The following JAK2 variants were observed in gnomAD, a reference collection of about 807,000 sequenced individuals.
The protein encoded by JAK2 is Janus kinase 2.
JAK2 carries 86 observed loss-of-function variants against 139.3 expected under a neutral mutation model. The observed-to-expected ratio is 0.62, with a 90% CI of 0.52 to 0.74. The LOEUF (loss-of-function observed/expected upper bound fraction) is 0.74, where lower values mean the gene tolerates loss of function less well. JAK2 is among the 30% of genes least tolerant of loss of function. The pLI, the probability that JAK2 is intolerant of heterozygous loss-of-function variation, is 0.00. For synonymous variants in JAK2, 490 were observed against 437.7 expected (o/e 1.12, Z -1.49); for missense variants, 1,421 against 1,360.3 (o/e 1.04, Z -0.70).
chr9:5,080,518 GTTC>G lies in JAK2; in HGVS notation c.2284-12_2284-10del. ...TTACACAATTTATTCTCAGTTTGTG[GTTC>G]TTTAATTATAGAAGCTACAATTTTA... is the stretch of plus-strand genomic sequence containing the variant. On this transcript the variant is annotated splice_polypyrimidine_tract_variant and intron_variant, in intron 17 of 24. Transcript: ENST00000381652. 6.4e-7 allele frequency: 1 copy of G among 1,572,000 alleles called. No homozygotes were observed. The highest frequency in any genetic ancestry group is 2.2e-5 in the East Asian group (1 of 44,458).
intron 22 of JAK2, among the ~76,000 whole-genome samples, chr9:5,116,921 A>G (rs936327006): frequency 3.9e-5 from 6 of 152,250 alleles, no homozygotes; most frequent in Admixed American, 2.0e-4. Context: ...TAACAGTACA[A>G]ATAATTCAGC....
chr9:4,988,838 T>C (rs1377493380), intron 2 of JAK2, among the ~76,000 whole-genome samples: 1 of 152,224 alleles, frequency 6.6e-6, no homozygotes, highest in Non-Finnish European at 1.5e-5. Flanking sequence ...CTTCTAATCA[T>C]GTAGGCTTTA....
rs1824160885 is a variant in JAK2, at chr9:5,128,730, AG to A, written c.*1941del. 6.6e-6 allele frequency among the ~76,000 whole-genome samples: 1 copy of A among 151,942 alleles called. No homozygotes were observed. Among genetic ancestry groups the A allele is most frequent in the African/African-American group, 2.4e-5 (1 of 41,422 alleles). On this transcript the variant is annotated 3_prime_UTR_variant, in exon 25 of 25. Coordinates refer to ENST00000381652, the MANE Select transcript of JAK2 (RefSeq NM_004972.4). ...GTTTCCAAGAGACTTCTTTTCATTG[AG>A]GCTTCGTAAAGTTTTCCATTTTGAT...
intron 22 of JAK2, among the ~76,000 whole-genome samples, chr9:5,105,005 A>G (rs1162244600): frequency 2.0e-5 from 3 of 152,206 alleles, no homozygotes; most frequent in Admixed American, 1.3e-4. Flanking sequence ...GCAAAAGACA[A>G]GGATGCCCTC....
At chr9:5,116,455 A>G (rs1823182517) in intron 22 of JAK2, among the ~76,000 whole-genome samples, 1 of 152,224 alleles carries the variant, frequency 6.6e-6, no homozygotes, top group South Asian at 2.1e-4. Context: ...GTGAAACTAA[A>G]AAGTAAGACT....
At chr9:5,007,717 T>A (rs1334051058) in intron 2 of JAK2, among the ~76,000 whole-genome samples, 2 of 149,940 alleles carry the variant, frequency 1.3e-5, no homozygotes, top group Admixed American at 6.6e-5. Flanking sequence ...TTATTATTAT[T>A]ATATTGTCTT....
chr9:5,036,318 T>C (rs1823597246), intron 4 of JAK2, among the ~76,000 whole-genome samples: 1 of 152,210 alleles, frequency 6.6e-6, no homozygotes, highest in South Asian at 2.1e-4. Flanking sequence ...CCTTTATGGA[T>C]TCAATGCCAT....
At chr9:5,041,361 T>A in intron 4 of JAK2, 1 of 630,360 alleles carries the variant, frequency 1.6e-6, no homozygotes, top group Non-Finnish European at 2.9e-6. Flanking sequence ...TACATGAGCA[T>A]CAACATGCAC....
At chr9:5,011,438 C>T (rs1821693598) in intron 2 of JAK2, among the ~76,000 whole-genome samples, 1 of 152,182 alleles carries the variant, frequency 6.6e-6, no homozygotes, top group South Asian at 2.1e-4. Context: ...AATCCTCCTG[C>T]CTTGGCCTCC....
At position 5,085,893 on chromosome 9, in the gene JAK2, TCCTTTCTAATACCCTC is replaced by T. The variant is rs373990768; in HGVS notation, c.2572-3780_2572-3765del. ...AAGTTCTGTTGTTGATATGAGCGGT[TCCTTTCTAATACCCTC>T]ATACAGACCTTTCAAGTCTCTCCAA... On this transcript the variant is annotated intron_variant, in intron 19 of 24. Coordinates refer to ENST00000381652, the MANE Select transcript of JAK2 (RefSeq NM_004972.4). The T allele has an allele frequency of 3.5e-6, 3 of 845,590 alleles. No individual in the cohort carries two copies. The African/African-American group carries it at 5.0e-5, about 14-fold the overall frequency. The allele number at this position is 845,590 out of a possible 1,614,324, so 52.4% of individuals were successfully genotyped here. A position where few individuals can be genotyped will look rare whatever the true frequency, so the allele number is the denominator to read the frequency against.
chr9:4,985,702 G>A (rs78330517), intron 1 of JAK2, 72 bp downstream of exon 1: 5,415 of 152,632 alleles, frequency 0.035, 252 homozygotes, highest in African/African-American at 0.11. Flanking sequence ...CTACCTTTTG[G>A]TCCCGCCTGC....
At chr9:5,117,165 A>G (rs1419731582) in intron 22 of JAK2, among the ~76,000 whole-genome samples, 1 of 152,220 alleles carries the variant, frequency 6.6e-6, no homozygotes, top group Non-Finnish European at 1.5e-5. Context: ...ACCTGCCAGC[A>G]CCTTTATCAT....
At chr9:4,988,178 C>G (rs1319082345) in intron 2 of JAK2, among the ~76,000 whole-genome samples, 1 of 152,178 alleles carries the variant, frequency 6.6e-6, no homozygotes, top group Non-Finnish European at 1.5e-5. Context: ...CCCTTTTAGA[C>G]CCCTCCTCTT....
chr9:5,078,464 T>C lies in JAK2; in HGVS notation c.2131+20T>C. ...AGGACAGTAAGTTCTAGAAGGATTA[T>C]ATATAATGTTACTAAGCTTTACTTG... On this transcript the variant is annotated intron_variant, in intron 16 of 24. Coordinates refer to ENST00000381652, the MANE Select transcript of JAK2 (RefSeq NM_004972.4). 1.3e-6 allele frequency: 2 copies of C among 1,593,054 alleles called. No homozygotes were observed. Among genetic ancestry groups the C allele is most frequent in the East Asian group, 2.3e-5 (1 of 44,238 alleles).
Position 5,090,929 on chromosome 9 carries a change from TGATAA to T in JAK2, c.3059+19_3059+23del. The T allele has an allele frequency of 5.9e-6, 9 of 1,515,016 alleles. No homozygotes were observed. Among genetic ancestry groups the T allele is most frequent in the Non-Finnish European group, 8.0e-6 (9 of 1,122,908 alleles). The allele number at this position is 1,515,016 out of a possible 1,614,324, so 93.8% of individuals were successfully genotyped here. ...ATATTCTGGTGAGTATATTTCAGTA[TGATAA>T]ATGAAATTTTAGAGCACAGACTTCA... On this transcript the variant is annotated intron_variant, in intron 22 of 24. Transcript: ENST00000381652.
At chr9:5,111,002 C>G in intron 22 of JAK2, 1 of 705,782 alleles carries the variant, frequency 1.4e-6, no homozygotes, top group Non-Finnish European at 2.4e-6. Flanking sequence ...CTGCCCGTTG[C>G]CAACGGGAAG....
chr9:5,051,442 T>C (rs943789951), intron 6 of JAK2, among the ~76,000 whole-genome samples: 11 of 152,096 alleles, frequency 7.2e-5, no homozygotes, highest in Non-Finnish European at 1.5e-5. Flanking sequence ...GGGGAGCCTG[T>C]TAAAATCAAA....
chr9:5,050,695 G>A lies in JAK2; in HGVS notation c.478G>A (p.Asp160Asn). Reference protein sequence around the residue: ...MSYLFAQWRHDFVHGWIKVPV... With the variant: ...MSYLFAQWRHNFVHGWIKVPV... ...AAATTTTTGGTTTTAGTGGCGGCAT[G>A]ATTTTGTGCACGGATGGATAAAAGT... Residue 160 changes from aspartate (D) to asparagine (N), a missense_variant, in exon 6 of 25, where the codon GAT becomes AAT. Physicochemically the swap from Asp to Asn is conservative, Grantham distance 23 (BLOSUM62 1). Transcript: ENST00000381652. 1 of 1,611,852 alleles carries A rather than the reference G, an allele frequency of 6.2e-7. No individual in the cohort carries two copies. Among genetic ancestry groups the A allele is most frequent in the Non-Finnish European group, 8.5e-7 (1 of 1,179,404 alleles).
chr9:5,055,407 A>G (rs1374952561), intron 7 of JAK2, among the ~76,000 whole-genome samples: 1 of 151,994 alleles, frequency 6.6e-6, no homozygotes, highest in African/African-American at 2.4e-5. Context: ...AGTGGTTTCT[A>G]CTAATGTTAA....
Sources: gnomAD v4.1 joint callset for allele counts (sites outside exome capture counted in the v4.1 genomes callset) on GRCh38, gnomAD v4.1.1 for gene constraint, MANE v1.5 for transcripts, NCBI Gene and HGNC (gene_info 2026-07-23, HGNC 2026-07-21) for gene names.